Variants in ABAT observed in about 807,000 individuals in gnomAD.
ABAT encodes 4-aminobutyrate aminotransferase, mitochondrial.
ABAT carries 45 observed loss-of-function variants against 64.6 expected under a neutral mutation model. That is an observed-to-expected ratio of 0.70 (90% CI 0.55 to 0.89). The LOEUF (loss-of-function observed/expected upper bound fraction) is 0.89. Ranked by LOEUF, ABAT falls within the 40% of genes least tolerant of loss-of-function variation. ABAT has a pLI of 0.00. For missense variants in ABAT, 633 were observed against 658.4 expected, an observed-to-expected ratio of 0.96 and a Z score of 0.42; for synonymous variants, 297 against 250.5, an observed-to-expected ratio of 1.19 and a Z score of -1.75.
At chr16:8,719,856 G>A (rs1362300647) in intron 1 of ABAT, among the ~76,000 whole-genome samples, 1 of 152,234 alleles carries the variant, frequency 6.6e-6, no homozygotes, top group Non-Finnish European at 1.5e-5. Flanking sequence ...CTTGTCGCCA[G>A]GTTGGAGAGC....
rs768031512 is a variant in ABAT at position 8,773,667 on chromosome 16, G to A, written c.954+750G>A. 7.9e-5 allele frequency among the ~76,000 whole-genome samples: 12 copies of A among 151,964 alleles called. No individual in the cohort carries two copies. The South Asian group carries it at 8.3e-4, about 10-fold the overall frequency. ...CTAGATCTTATTCTTCTATCTAACT[G>A]TACTTTTGTATCCATTAACCAACCC... On this transcript the variant is annotated intron_variant, in intron 12 of 15. Coordinates refer to ENST00000268251, the MANE Select transcript of ABAT (RefSeq NM_020686.6).
At chr16:8,738,428 C>T (rs1367693153) in intron 2 of ABAT, 1 of 455,846 alleles carries the variant, frequency 2.2e-6, no homozygotes, top group Admixed American at 2.4e-5. Flanking sequence ...CCTTTAATGT[C>T]TTTTTCTGCT....
At chr16:8,759,887 G>A (rs556271472) in intron 6 of ABAT, among the ~76,000 whole-genome samples, 1 of 152,298 alleles carries the variant, frequency 6.6e-6, no homozygotes, top group Admixed American at 6.5e-5. Context: ...GAGTTTTGCA[G>A]TGTGTATCTT....
At chr16:8,778,475 T>C (rs934352521) in intron 14 of ABAT, among the ~76,000 whole-genome samples, 1 of 152,118 alleles carries the variant, frequency 6.6e-6, no homozygotes, top group African/African-American at 2.4e-5. Flanking sequence ...CTTCTTCTTA[T>C]AAAGATACCA....
At chr16:8,711,222 T>A (rs2058063037) in intron 1 of ABAT, among the ~76,000 whole-genome samples, 1 of 152,196 alleles carries the variant, frequency 6.6e-6, no homozygotes, top group African/African-American at 2.4e-5. Flanking sequence ...TTCCCCTGCA[T>A]CGTGAATATG....
At chr16:8,730,998 T>C (rs906993258) in intron 1 of ABAT, among the ~76,000 whole-genome samples, 6 of 152,248 alleles carry the variant, frequency 3.9e-5, no homozygotes, top group African/African-American at 2.4e-5. Context: ...TGTCTCACTC[T>C]ATCACCCAGA....
intron 15 of ABAT, chr16:8,780,747 C>T (rs769373262): frequency 3.1e-5 from 6 of 195,862 alleles, no homozygotes; most frequent in South Asian, 9.0e-5. Flanking sequence ...TGGGTGACAG[C>T]GCGAGACTCC....
Position 8,781,700 on chromosome 16 carries a change from G to T in ABAT, c.*270G>T. 1 of 534,968 alleles carries T rather than the reference G, an allele frequency of 1.9e-6. No individual in the cohort carries two copies. Among genetic ancestry groups the T allele is most frequent in the Non-Finnish European group, 3.4e-6 (1 of 296,780 alleles). 33.1% of individuals were successfully genotyped at this position (534,968 alleles called of 1,614,324 possible). ...CTGGACTCATCTTGGGAAGGGCCAT[G>T]GGAGGTCCTGGCTAGAGTTCTGCCC... On this transcript the variant is annotated 3_prime_UTR_variant, in exon 16 of 16. Transcript: ENST00000268251. The surrounding 1 kb of genome is among the most constrained non-coding windows in gnomAD (Gnocchi z 4.5).
At chr16:8,721,116 T>C (rs2058357011) in intron 1 of ABAT, among the ~76,000 whole-genome samples, 1 of 152,232 alleles carries the variant, frequency 6.6e-6, no homozygotes, top group Non-Finnish European at 1.5e-5. Context: ...ACAGAGACGT[T>C]ACTTAATGTG....
At position 8,733,033 on chromosome 16, in the gene ABAT, CCCCA is replaced by C. The variant is rs1256179759; in HGVS notation, c.-41-2663_-41-2660del. Among the ~76,000 whole-genome samples the C allele has an allele frequency of 9.5e-3, 1,409 of 148,238 alleles. 137 individuals carry two copies. The highest frequency in any genetic ancestry group is 0.033 in the African/African-American group (1,264 of 38,644). ...GGCTGGCCTGGCAGGGGGCTGATCCCCCCACCTCCCTCCCGGATGGGGCGGCTGG... is the reference window on the plus strand; with the variant it reads ...GGCTGGCCTGGCAGGGGGCTGATCCCCCTCCCTCCCGGATGGGGCGGCTGG... On this transcript the variant is annotated intron_variant, in intron 1 of 15. Coordinates refer to ENST00000268251, the MANE Select transcript of ABAT (RefSeq NM_020686.6).
rs182942443 is a variant in ABAT, at chr16:8,688,676, C to T, written c.-42+13965C>T. ...CTATGTTGCCCAGGCTAGTCTCAAA[C>T]TCTTGGCCTCAAGTGATCCTCCCAT... On this transcript the variant is annotated intron_variant, in intron 1 of 15. Coordinates refer to ENST00000268251, the MANE Select transcript of ABAT (RefSeq NM_020686.6). Among the ~76,000 whole-genome samples, 1,149 of 152,280 alleles carry T rather than the reference C, an allele frequency of 7.5e-3. 62 individuals carry two copies. Among genetic ancestry groups the T allele is most frequent in the Admixed American group, 0.072 (1,099 of 15,288 alleles).
chr16:8,740,117 G>C lies in ABAT; in HGVS notation c.70+4308G>C, dbSNP rs537460311. 1.4e-4 allele frequency among the ~76,000 whole-genome samples: 22 copies of C among 152,206 alleles called. No individual in the cohort carries two copies. The South Asian group carries it at 4.4e-3, about 30-fold the overall frequency. On this transcript the variant is annotated intron_variant, in intron 2 of 15. Coordinates refer to ENST00000268251, the MANE Select transcript of ABAT (RefSeq NM_020686.6). ...TTAAGGTAAAGGAAACTTCAAGTCA[G>C]GGAAATTAAGTTGCCAGAGCCACAG... is the stretch of plus-strand genomic sequence containing the variant.
chr16:8,707,676 G>A (rs1462076769), intron 1 of ABAT, among the ~76,000 whole-genome samples: 1 of 152,172 alleles, frequency 6.6e-6, no homozygotes, highest in Non-Finnish European at 1.5e-5. Context: ...CAGCCACACC[G>A]TGGAACCTAA....
At chr16:8,732,390 C>T (rs2058753513) in intron 1 of ABAT, among the ~76,000 whole-genome samples, 1 of 150,578 alleles carries the variant, frequency 6.6e-6, no homozygotes, top group Non-Finnish European at 1.5e-5. Flanking sequence ...GTTTGTGTCC[C>T]TGGGTACTTG....
Position 8,700,649 on chromosome 16 carries a change from G to T in ABAT, c.-42+25938G>T, listed in dbSNP as rs1267500670. Among the ~76,000 whole-genome samples the T allele has an allele frequency of 2.6e-5, 4 of 152,210 alleles. No individual in the cohort carries two copies. The East Asian group carries it at 7.7e-4, about 29-fold the overall frequency. ...GACTTGCTGTCACCCAGGCTGGAGT[G>T]CTGTGGCTTGATCATAGCTCCCCTG... On this transcript the variant is annotated intron_variant, in intron 1 of 15. Coordinates refer to ENST00000268251, the MANE Select transcript of ABAT (RefSeq NM_020686.6).
intron 1 of ABAT, among the ~76,000 whole-genome samples, chr16:8,718,915 A>G (rs1432135939): frequency 1.3e-5 from 2 of 152,248 alleles, no homozygotes; most frequent in Non-Finnish European, 2.9e-5. Flanking sequence ...CCAGCCACCA[A>G]CAAAGTGTTT....
chr16:8,675,682 G>A (rs1229188334), intron 1 of ABAT, among the ~76,000 whole-genome samples: 2 of 152,138 alleles, frequency 1.3e-5, no homozygotes, highest in Admixed American at 1.3e-4. Flanking sequence ...GGGGCCTAGA[G>A]GCCCTTCCAG....
At chr16:8,765,865 C>T (rs762784467) in intron 8 of ABAT, 5 of 281,790 alleles carry the variant, frequency 1.8e-5, no homozygotes, top group Non-Finnish European at 3.5e-5. Context: ...CTCAAGCAAT[C>T]CTCCTGTCTT....
At chr16:8,691,145 A>G (rs1275813415) in intron 1 of ABAT, among the ~76,000 whole-genome samples, 1 of 152,132 alleles carries the variant, frequency 6.6e-6, no homozygotes, top group African/African-American at 2.4e-5. Flanking sequence ...TTGATGCTAC[A>G]GCCACACCTC....
Sources: gnomAD v4.1 joint callset for allele counts (sites outside exome capture counted in the v4.1 genomes callset) on GRCh38, gnomAD v4.1.1 for gene constraint, Gnocchi (gnomAD v3.1) non-coding constraint, MANE v1.5 for transcripts, NCBI Gene and HGNC (gene_info 2026-07-23, HGNC 2026-07-21) for gene names.